Variants in FHOD3 observed in about 807,000 individuals in gnomAD.
FHOD3 encodes the protein formin homology 2 domain containing 3, also known as FH1/FH2 domain-containing protein 3.
A neutral mutation model predicts 173.0 loss-of-function variants in FHOD3; 90 were observed. The observed-to-expected ratio is 0.52, with a 90% CI of 0.44 to 0.62. The LOEUF (loss-of-function observed/expected upper bound fraction) is 0.62. Ranked by LOEUF, FHOD3 falls within the 20% of genes least tolerant of loss-of-function variation. The pLI is 0.00. For missense variants in FHOD3, 1,945 were observed against 2,034.7 expected (o/e 0.96, Z 0.85); for synonymous variants, 828 against 823.0 (o/e 1.01, Z -0.10).
rs763613681 is a variant in FHOD3, at chr18:36,617,583, C to CTGTGTGTGTG, written c.957+5515_957+5524dup. Reference sequence around the variant, plus strand: ...CTACTACGAGAGTTCTTGTACTTCCCTGTGTGTGTGTGTGTGTGTGTGTGT... The same window carrying CTGTGTGTGTG: ...CTACTACGAGAGTTCTTGTACTTCCCTGTGTGTGTGTGTGTGTGTGTGTGTGTGTGTGTGT... On this transcript the variant is annotated intron_variant, in intron 9 of 28. Transcript: ENST00000590592. Among the ~76,000 whole-genome samples the CTGTGTGTGTG allele has an allele frequency of 1.7e-3, 193 of 116,330 alleles. 1 individual carries two copies. Among genetic ancestry groups the CTGTGTGTGTG allele is most frequent in the African/African-American group, 5.1e-3 (182 of 35,852 alleles). The allele number at this position is 116,330 out of a possible 152,430, so 76.3% of individuals were successfully genotyped here. A position where few individuals can be genotyped will look rare whatever the true frequency, so the allele number is the denominator to read the frequency against.
chr18:36,673,170 G>A (rs947356086), intron 14 of FHOD3, among the ~76,000 whole-genome samples: 3 of 152,136 alleles, frequency 2.0e-5, no homozygotes, highest in Non-Finnish European at 4.4e-5. Flanking sequence ...TCTGTTAAGA[G>A]CCAAGAGACA....
rs2036197691 is a variant in FHOD3, at chr18:36,653,381, T to C, written c.1686T>C (p.Ser562=). The C allele has an allele frequency of 6.5e-7, 1 of 1,535,268 alleles. No homozygotes were observed. The highest frequency in any genetic ancestry group is 8.7e-7 in the Non-Finnish European group (1 of 1,146,602). The change falls in exon 13 of 29, where the codon TCT becomes TCC. Residue 562 remains serine, a synonymous_variant. Coordinates refer to ENST00000590592, the MANE Select transcript of FHOD3 (RefSeq NM_001281740.3). ...TCTCTTTGAGCACATATTCTGCCTCTGAGCCTTACCACTTCCGATCTTTCT... is the reference window on the plus strand; with the variant it reads ...TCTCTTTGAGCACATATTCTGCCTCCGAGCCTTACCACTTCCGATCTTTCT... ...DSFSLSTYSA[S]EPYHFRSFSS... is the part of the protein sequence containing the mutation.
At chr18:36,386,769 T>C (rs1228419814) in intron 3 of FHOD3, among the ~76,000 whole-genome samples, 1 of 152,106 alleles carries the variant, frequency 6.6e-6, no homozygotes, top group Non-Finnish European at 1.5e-5. Context: ...TGAGGTTCAG[T>C]CCTTTCTGGG....
At chr18:36,359,097 GAAA>G (rs1238062193) in intron 2 of FHOD3, among the ~76,000 whole-genome samples, 8 of 152,172 alleles carry the variant, frequency 5.3e-5, no homozygotes, top group Non-Finnish European at 1.2e-4. Flanking sequence ...TTGGAGGTAT[GAAA>G]ATGGCAAATA....
At chr18:36,342,791 A>G (rs552538518) in intron 1 of FHOD3, among the ~76,000 whole-genome samples, 6 of 152,364 alleles carry the variant, frequency 3.9e-5, no homozygotes, top group South Asian at 2.1e-4. Context: ...GAAGACTTGT[A>G]TTAGAATAAA....
intron 6 of FHOD3, among the ~76,000 whole-genome samples, chr18:36,585,017 A>C (rs532081777): frequency 6.6e-6 from 1 of 152,310 alleles, no homozygotes; most frequent in East Asian, 1.9e-4. Flanking sequence ...AACTCTGAGT[A>C]TATTATAAGC....
chr18:36,736,517 T>A (rs2041640644), intron 20 of FHOD3, among the ~76,000 whole-genome samples: 1 of 152,270 alleles, frequency 6.6e-6, no homozygotes, highest in African/African-American at 2.4e-5. Context: ...GAAGGAGAGC[T>A]GGAAAGGGGA....
Position 36,760,764 on chromosome 18 carries a change from C to T in FHOD3, c.4606C>T (p.Arg1536Cys), listed in dbSNP as rs2042837797. The T allele has an allele frequency of 4.3e-6, 7 of 1,609,472 alleles. No homozygotes were observed. In the Admixed American group the frequency reaches 5.0e-5, roughly 12 times the overall value. Reference protein sequence around the residue: ...DATPALGVRTRSRASRGSTSS... With the variant: ...DATPALGVRTCSRASRGSTSS... ...CACCCCCGCGCTGGGCGTCCGCACA[C>T]GCAGCCGAGCAAGCCGAGGTAACTC... Residue 1536 changes from arginine (R) to cysteine (C), a missense_variant, in exon 27 of 29, where the codon CGC becomes TGC. This residue lies in a region of FHOD3 where 354 missense variants were observed against 359.9 expected (regional missense o/e 0.98). Coordinates refer to ENST00000590592, the MANE Select transcript of FHOD3 (RefSeq NM_001281740.3).
intron 17 of FHOD3, among the ~76,000 whole-genome samples, chr18:36,700,851 T>C (rs1468245798): frequency 6.6e-6 from 1 of 152,222 alleles, no homozygotes; most frequent in Non-Finnish European, 1.5e-5. Flanking sequence ...GAAAATGCCA[T>C]GCTCTGTGCT....
chr18:36,581,258 C>T (rs2058840782), intron 6 of FHOD3, among the ~76,000 whole-genome samples: 1 of 152,198 alleles, frequency 6.6e-6, no homozygotes, highest in Non-Finnish European at 1.5e-5. Flanking sequence ...GGATTTTTTT[C>T]TCTTCATACA....
At chr18:36,774,176 C>T (rs1293750900) in intron 28 of FHOD3, among the ~76,000 whole-genome samples, 1 of 152,250 alleles carries the variant, frequency 6.6e-6, no homozygotes, top group African/African-American at 2.4e-5. Context: ...CGCATTTTAA[C>T]TGACTGCCTT....
At chr18:36,551,686 A>G (rs1189396123) in intron 5 of FHOD3, among the ~76,000 whole-genome samples, 2 of 152,140 alleles carry the variant, frequency 1.3e-5, no homozygotes, top group Admixed American at 1.3e-4. Context: ...AGGTGTAAGG[A>G]AGGGATCCAG....
intron 27 of FHOD3, among the ~76,000 whole-genome samples, chr18:36,764,664 T>A (rs750396805): frequency 1.3e-5 from 2 of 152,126 alleles, no homozygotes; most frequent in Non-Finnish European, 2.9e-5. Context: ...CGAGAAAAGA[T>A]GTTGGTGGGT....
At chr18:36,454,307 A>G (rs1210981475) in intron 3 of FHOD3, among the ~76,000 whole-genome samples, 3 of 152,076 alleles carry the variant, frequency 2.0e-5, no homozygotes, top group Non-Finnish European at 2.9e-5. Flanking sequence ...AGGGACACAC[A>G]TGGGACCACA....
chr18:36,643,036 T>G (rs2035444133), intron 10 of FHOD3, among the ~76,000 whole-genome samples: 1 of 152,188 alleles, frequency 6.6e-6, no homozygotes, highest in Non-Finnish European at 1.5e-5. Flanking sequence ...TTTTGGTCAC[T>G]CAGCGTTATG....
chr18:36,588,334 T>C (rs938050401), intron 6 of FHOD3, among the ~76,000 whole-genome samples: 3 of 152,232 alleles, frequency 2.0e-5, no homozygotes, highest in Non-Finnish European at 4.4e-5. Flanking sequence ...TCACTTGAGA[T>C]CTTTTTTTCT....
chr18:36,402,592 A>G (rs2048878127), intron 3 of FHOD3, among the ~76,000 whole-genome samples: 1 of 151,938 alleles, frequency 6.6e-6, no homozygotes, highest in Non-Finnish European at 1.5e-5. Context: ...AAGGTCACAC[A>G]GCTAGCAACT....
chr18:36,652,971 G>A, intron 12 of FHOD3, 42 bp downstream of exon 12: 1 of 1,499,890 alleles, frequency 6.7e-7, no homozygotes, highest in Non-Finnish European at 8.9e-7. Context: ...ATTAACTCGG[G>A]GAGGAGAACA....
intron 3 of FHOD3, among the ~76,000 whole-genome samples, chr18:36,467,062 G>A (rs2052988455): frequency 6.6e-6 from 1 of 152,114 alleles, no homozygotes; most frequent in Non-Finnish European, 1.5e-5. Flanking sequence ...ACCAGCTGTG[G>A]GCTGGTTTCT....
Sources: gnomAD v4.1 joint callset for allele counts (sites outside exome capture counted in the v4.1 genomes callset) on GRCh38, gnomAD v4.1.1 for gene constraint, gnomAD v4.1.1 regional missense constraint, MANE v1.5 for transcripts, NCBI Gene and HGNC (gene_info 2026-07-23, HGNC 2026-07-21) for gene names.